The following SHISA9 variants were observed in gnomAD, a reference collection of about 807,000 sequenced individuals.
The protein encoded by SHISA9 is shisa family member 9.
In SHISA9, 13 loss-of-function variants were observed where a neutral mutation model predicts 38.0. That is an observed-to-expected ratio of 0.34 (90% CI 0.22 to 0.54). The LOEUF (loss-of-function observed/expected upper bound fraction) is 0.54. Ranked by LOEUF, SHISA9 falls within the 20% of genes least tolerant of loss-of-function variation. The pLI is 0.91. For synonymous variants in SHISA9, 275 were observed against 242.0 expected (o/e 1.14, Z -1.27); for missense variants, 538 against 575.8 (o/e 0.93, Z 0.67).
chr16:13,490,086 T>C, the SHISA9 span, among the ~76,000 whole-genome samples: 1 of 151,770 alleles, frequency 6.6e-6, no homozygotes, highest in Non-Finnish European at 1.5e-5. Context: ...ACATACAAGA[T>C]AGTAAGTCAA....
At chr16:13,551,301 C>T in the SHISA9 span, among the ~76,000 whole-genome samples, 1 of 152,164 alleles carries the variant, frequency 6.6e-6, no homozygotes, top group East Asian at 1.9e-4. Context: ...CCAACACAAA[C>T]TTATATTCAC....
chr16:12,915,231 T>C (rs1053099147), intron 1 of SHISA9, among the ~76,000 whole-genome samples: 4 of 152,056 alleles, frequency 2.6e-5, no homozygotes, highest in African/African-American at 9.6e-5. Context: ...GAGGTGGAGG[T>C]GGGAGAATCT....
the SHISA9 span, among the ~76,000 whole-genome samples, chr16:13,279,511 A>G: frequency 6.6e-6 from 1 of 152,004 alleles, no homozygotes; most frequent in African/African-American, 2.4e-5. Context: ...TATTGTAGTC[A>G]TAAACTAGTC....
chr16:13,090,841 A>G (rs1171917629), intron 2 of SHISA9, among the ~76,000 whole-genome samples: 1 of 152,180 alleles, frequency 6.6e-6, no homozygotes, highest in African/African-American at 2.4e-5. Context: ...TGTCATTATG[A>G]TGTTCGCTGG....
chr16:13,277,961 G>T, the SHISA9 span, among the ~76,000 whole-genome samples: 1 of 151,944 alleles, frequency 6.6e-6, no homozygotes, highest in Non-Finnish European at 1.5e-5. Context: ...TGTTGAAGAG[G>T]AGTGGTGAGA....
intron 2 of SHISA9, among the ~76,000 whole-genome samples, chr16:12,925,473 G>GTGTGTGTGTGTGTGTGTGTGTGTA (rs113968316): frequency 4.0e-5 from 6 of 150,604 alleles, no homozygotes; most frequent in East Asian, 3.9e-4. Flanking sequence ...GTGTGTGTGT[G>GTGTGTGTGTGTGTGTGTGTGTGTA]CAAGCAACAG....
chr16:13,428,585 G>C, the SHISA9 span, among the ~76,000 whole-genome samples: 25 of 152,198 alleles, frequency 1.6e-4, no homozygotes, highest in South Asian at 5.2e-3. Flanking sequence ...TTCATGCCCA[G>C]ATGAATTCTG....
At chr16:13,310,768 C>T in the SHISA9 span, among the ~76,000 whole-genome samples, 1 of 149,982 alleles carries the variant, frequency 6.7e-6, no homozygotes, top group African/African-American at 2.5e-5. Flanking sequence ...ACTGCAACCT[C>T]GGCCTCCCAG....
intron 1 of SHISA9, among the ~76,000 whole-genome samples, chr16:12,907,549 A>C (rs867407400): frequency 3.3e-5 from 5 of 152,150 alleles, no homozygotes; most frequent in African/African-American, 9.7e-5. Flanking sequence ...CCCAGGAAAA[A>C]GAGCAAAAAT....
intron 3 of SHISA9, among the ~76,000 whole-genome samples, chr16:13,205,204 C>G (rs1001455549): frequency 2.0e-5 from 3 of 152,200 alleles, no homozygotes; most frequent in African/African-American, 7.2e-5. Context: ...TTAAAGCACT[C>G]TGTGGCTGTT....
intron 2 of SHISA9, among the ~76,000 whole-genome samples, chr16:13,041,440 T>G (rs2073130782): frequency 6.6e-6 from 1 of 152,210 alleles, no homozygotes. Context: ...AGTGCAAACC[T>G]TTGTCCTCTC....
the SHISA9 span, among the ~76,000 whole-genome samples, chr16:13,524,962 G>A: frequency 6.6e-6 from 1 of 152,136 alleles, no homozygotes; most frequent in Non-Finnish European, 1.5e-5. Flanking sequence ...AATGTTTCCA[G>A]ACGTTGCTAA....
chr16:13,188,871 G>C (rs1272563397), intron 2 of SHISA9, among the ~76,000 whole-genome samples: 1 of 136,054 alleles, frequency 7.4e-6, no homozygotes, highest in African/African-American at 2.9e-5. Context: ...TGACTTAACT[G>C]CAGATGCAAT....
At chr16:13,256,934 C>T in the SHISA9 span, among the ~76,000 whole-genome samples, 3 of 152,176 alleles carry the variant, frequency 2.0e-5, no homozygotes, top group African/African-American at 4.8e-5. Flanking sequence ...TACACATACA[C>T]ACAATATGTT....
chr16:13,285,306 A>C, the SHISA9 span, among the ~76,000 whole-genome samples: 1 of 152,050 alleles, frequency 6.6e-6, no homozygotes, highest in Non-Finnish European at 1.5e-5. Context: ...ATTCATTCCA[A>C]TGTGTGGTAT....
chr16:13,403,042 T>G, the SHISA9 span, among the ~76,000 whole-genome samples: 5 of 151,790 alleles, frequency 3.3e-5, no homozygotes, highest in East Asian at 9.8e-4. Context: ...CACTTGAGGT[T>G]GCAGTAAGCC....
Position 13,239,546 on chromosome 16 carries a change from G to A in SHISA9, c.*4137G>A. The A allele has an allele frequency of 6.6e-6, 1 of 151,934 alleles. No homozygotes were observed. Among genetic ancestry groups the A allele is most frequent in the Non-Finnish European group, 1.5e-5 (1 of 67,940 alleles). The allele number at this position is 151,934 out of a possible 1,614,324, so 9.4% of individuals were successfully genotyped here. On this transcript the variant is annotated 3_prime_UTR_variant, in exon 5 of 5. Transcript: ENST00000558583. ...TTGCCATTCTAACTGGCGTGAGATG[G>A]TATCTCATTGTGGTTTTGATTTGCA... is the stretch of plus-strand genomic sequence containing the variant.
chr16:13,544,375 AG>A, the SHISA9 span, among the ~76,000 whole-genome samples: 1 of 147,706 alleles, frequency 6.8e-6, no homozygotes, highest in Non-Finnish European at 1.5e-5. Context: ...CAGACTCCAA[AG>A]CTCTTGCTCT....
chr16:13,078,428 C>T lies in SHISA9; in HGVS notation c.692-124966C>T, dbSNP rs552828454. 2.6e-3 allele frequency among the ~76,000 whole-genome samples: 386 copies of T among 150,856 alleles called. 1 individual carries two copies. The highest frequency in any genetic ancestry group is 4.4e-3 in the Non-Finnish European group (297 of 67,952). ...TTTTCTCAACTATTTTTTTTTAAGA[C>T]AGGGTCTCATTCTGTCACCCAGACT... On this transcript the variant is annotated intron_variant, in intron 2 of 4. Coordinates refer to ENST00000558583, the MANE Select transcript of SHISA9 (RefSeq NM_001145204.3).
Sources: gnomAD v4.1 joint callset for allele counts (sites outside exome capture counted in the v4.1 genomes callset) on GRCh38, gnomAD v4.1.1 for gene constraint, MANE v1.5 for transcripts, NCBI Gene and HGNC (gene_info 2026-07-23, HGNC 2026-07-21) for gene names.